Variants in ARL8B observed in about 807,000 individuals in gnomAD.
The protein encoded by ARL8B is ARF like GTPase 8B.
In ARL8B, 9 loss-of-function variants were observed where a neutral mutation model predicts 30.6. The ratio of observed to expected loss-of-function variants is 0.29; its 90% CI spans 0.18 to 0.51. ARL8B has a LOEUF of 0.51. Ranked by LOEUF, ARL8B falls within the 20% of genes least tolerant of loss-of-function variation. The pLI, the probability that ARL8B is intolerant of heterozygous loss-of-function variation, is 0.97. For synonymous variants in ARL8B, 74 were observed against 76.0 expected, an observed-to-expected ratio of 0.97 and a Z score of 0.14; for missense variants, 130 against 227.2, an observed-to-expected ratio of 0.57 and a Z score of 2.75.
chr3:5,143,098 T>C (rs968568941), intron 1 of ARL8B, among the ~76,000 whole-genome samples: 4 of 152,230 alleles, frequency 2.6e-5, no homozygotes, highest in African/African-American at 9.6e-5. Flanking sequence ...GTGAGAACTA[T>C]CTCTGAGTTT....
intron 1 of ARL8B, among the ~76,000 whole-genome samples, chr3:5,165,370 A>G (rs1036644656): frequency 6.6e-6 from 1 of 152,218 alleles, no homozygotes; most frequent in Non-Finnish European, 1.5e-5. Context: ...ATTGGTAATT[A>G]TAGTGACTTC....
intron 1 of ARL8B, among the ~76,000 whole-genome samples, chr3:5,167,153 A>C (rs944108368): frequency 1.3e-5 from 2 of 152,166 alleles, no homozygotes; most frequent in Non-Finnish European, 2.9e-5. Context: ...ATTTTGTTCA[A>C]CCAAGTTCCA....
chr3:5,155,346 T>C (rs760734791), intron 1 of ARL8B, among the ~76,000 whole-genome samples: 1 of 152,218 alleles, frequency 6.6e-6, no homozygotes, highest in Non-Finnish European at 1.5e-5. Flanking sequence ...CTTTGTCTTT[T>C]AATAGCATGT....
At chr3:5,128,281 CAA>C (rs898942678) in intron 1 of ARL8B, among the ~76,000 whole-genome samples, 3 of 151,436 alleles carry the variant, frequency 2.0e-5, no homozygotes, top group African/African-American at 7.3e-5. Flanking sequence ...GGCTGTGGTT[CAA>C]GTCTAGATGT....
intron 1 of ARL8B, among the ~76,000 whole-genome samples, chr3:5,132,681 T>C (rs913284217): frequency 1.3e-5 from 2 of 152,238 alleles, no homozygotes; most frequent in Non-Finnish European, 2.9e-5. Context: ...TGACAAGCTC[T>C]TTAAATACTG....
At chr3:5,123,254 C>T (rs1174043009) in intron 1 of ARL8B, among the ~76,000 whole-genome samples, 1 of 152,190 alleles carries the variant, frequency 6.6e-6, no homozygotes, top group Non-Finnish European at 1.5e-5. Flanking sequence ...TAAGATGGAT[C>T]TGCAGTTAGC....
intron 1 of ARL8B, among the ~76,000 whole-genome samples, chr3:5,141,722 G>A (rs141352530): frequency 4.3e-4 from 65 of 152,258 alleles, no homozygotes; most frequent in African/African-American, 1.2e-3. Context: ...AAAGTATAAC[G>A]TTTCCCACCC....
intron 1 of ARL8B, among the ~76,000 whole-genome samples, chr3:5,129,880 T>C (rs1240916781): frequency 6.6e-6 from 1 of 151,932 alleles, no homozygotes; most frequent in Non-Finnish European, 1.5e-5. Context: ...TTTTTTGTTT[T>C]TCAGACAGAG....
At chr3:5,168,355 G>A (rs898707185) in intron 1 of ARL8B, among the ~76,000 whole-genome samples, 1 of 152,224 alleles carries the variant, frequency 6.6e-6, no homozygotes, top group African/African-American at 2.4e-5. Context: ...ACAAGCTTGA[G>A]CCACTATGCC....
intron 1 of ARL8B, among the ~76,000 whole-genome samples, chr3:5,158,859 G>T (rs2054554787): frequency 1.3e-5 from 2 of 151,466 alleles, no homozygotes; most frequent in Non-Finnish European, 2.9e-5. Flanking sequence ...TAAAGATTAG[G>T]CTTTTTAAAT....
In ARL8B at chr3:5,180,272, A is replaced by T. The variant is rs1021541990; in HGVS notation, c.*1559A>T. On this transcript the variant is annotated 3_prime_UTR_variant, in exon 7 of 7. Coordinates refer to ENST00000256496, the MANE Select transcript of ARL8B (RefSeq NM_018184.3). The stretch of plus-strand genomic sequence containing the variant: ...AGACACTACTTGCTTTTCTCCATTC[A>T]TATTTTTATGAGTAGAATCTGGGCT... The T allele has an allele frequency of 1.3e-5, 2 of 152,606 alleles. No homozygotes were observed. The highest frequency in any genetic ancestry group is 4.8e-5 in the African/African-American group (2 of 41,448). The allele number at this position is 152,606 out of a possible 1,614,324, so 9.5% of individuals were successfully genotyped here. A position where few individuals can be genotyped will look rare whatever the true frequency, so the allele number is the denominator to read the frequency against.
intron 1 of ARL8B, among the ~76,000 whole-genome samples, chr3:5,141,744 TA>T (rs1267221727): frequency 6.6e-6 from 1 of 152,216 alleles, no homozygotes; most frequent in Non-Finnish European, 1.5e-5. Context: ...GCATAACACT[TA>T]CACCCCCTTT....
chr3:5,141,174 C>T (rs1454297886), intron 1 of ARL8B, among the ~76,000 whole-genome samples: 1 of 152,200 alleles, frequency 6.6e-6, no homozygotes, highest in African/African-American at 2.4e-5. Context: ...GTTCACTTAT[C>T]ATGACCTTCT....
intron 3 of ARL8B, 96 bp downstream of exon 3, chr3:5,172,319 C>T: frequency 9.1e-7 from 1 of 1,094,180 alleles, no homozygotes; most frequent in Non-Finnish European, 1.3e-6. Context: ...ATTTTTATCT[C>T]AGGCAGTGAA....
At position 5,168,517 on chromosome 3, in the gene ARL8B, G is replaced by T. The variant is rs115352936; in HGVS notation, c.124-1986G>T. Among the ~76,000 whole-genome samples, 1,413 of 152,318 alleles carry T rather than the reference G, an allele frequency of 9.3e-3. 20 individuals are homozygous for T. The highest frequency in any genetic ancestry group is 0.032 in the African/African-American group (1,314 of 41,576). Reference sequence around the variant, plus strand: ...AGCTGAGTTACAGGAAAGTTGTTAGGGTTGGCCAAGGTAAAGAAAAGAGAT... The same window carrying T: ...AGCTGAGTTACAGGAAAGTTGTTAGTGTTGGCCAAGGTAAAGAAAAGAGAT... On this transcript the variant is annotated intron_variant, in intron 1 of 6. Transcript: ENST00000256496.
At chr3:5,142,376 C>T (rs985568738) in intron 1 of ARL8B, among the ~76,000 whole-genome samples, 4 of 152,166 alleles carry the variant, frequency 2.6e-5, no homozygotes, top group African/African-American at 9.7e-5. Context: ...GATCTGACCT[C>T]TGCAATGTGG....
At chr3:5,147,308 A>G (rs1437179638) in intron 1 of ARL8B, among the ~76,000 whole-genome samples, 1 of 152,134 alleles carries the variant, frequency 6.6e-6, no homozygotes, top group Non-Finnish European at 1.5e-5. Context: ...GCTCAGAATG[A>G]TGGTTTCCAG....
intron 1 of ARL8B, among the ~76,000 whole-genome samples, chr3:5,140,384 C>T (rs889570270): frequency 6.6e-6 from 1 of 152,154 alleles, no homozygotes; most frequent in Non-Finnish European, 1.5e-5. Flanking sequence ...TCACTTCTCT[C>T]TAGCCCACCA....
In ARL8B at chr3:5,122,532, C is replaced by T. The variant is rs2054190827; in HGVS notation, c.67C>T (p.Leu23=). Residue 23 remains leucine (L), a synonymous_variant, in exon 1 of 7, where the codon CTG becomes TTG. Transcript: ENST00000256496. ...RSLFWKEEME[L]TLVGLQYSGK... is the part of the protein sequence containing the mutation. ...GCTCTTCTGGAAGGAAGAGATGGAG[C>T]TGACGCTCGTGGGGCTGCAGTACTC... The T allele has an allele frequency of 6.2e-7, 1 of 1,613,006 alleles. No homozygotes were observed. Among genetic ancestry groups the T allele is most frequent in the Non-Finnish European group, 8.5e-7 (1 of 1,179,582 alleles).
Sources: gnomAD v4.1 joint callset for allele counts (sites outside exome capture counted in the v4.1 genomes callset) on GRCh38, gnomAD v4.1.1 for gene constraint, MANE v1.5 for transcripts, NCBI Gene and HGNC (gene_info 2026-07-23, HGNC 2026-07-21) for gene names.